The following NOS1AP variants were observed in gnomAD, a reference collection of about 807,000 sequenced individuals.
NOS1AP encodes carboxyl-terminal PDZ ligand of neuronal nitric oxide synthase protein.
In NOS1AP, 21 loss-of-function variants were observed where a neutral mutation model predicts 56.2. The observed-to-expected ratio is 0.37, with a 90% CI of 0.26 to 0.54. The LOEUF (loss-of-function observed/expected upper bound fraction) is 0.54, where lower values mean the gene tolerates loss of function less well. Ranked by LOEUF, NOS1AP falls within the 20% of genes least tolerant of loss-of-function variation. The probability of loss-of-function intolerance (pLI) is 0.84; values close to 1 mark genes in which losing one functional copy is unlikely to be tolerated. For synonymous variants in NOS1AP, 270 were observed against 274.6 expected, an observed-to-expected ratio of 0.98 and a Z score of 0.17; for missense variants, 522 against 657.8, an observed-to-expected ratio of 0.79 and a Z score of 2.26.
chr1:162,116,930 G>A (rs1381664492), intron 1 of NOS1AP, among the ~76,000 whole-genome samples: 8 of 152,150 alleles, frequency 5.3e-5, no homozygotes, highest in Non-Finnish European at 1.2e-4. Context: ...TTTTGGGGGG[G>A]CTGGAGGGTA....
intron 4 of NOS1AP, among the ~76,000 whole-genome samples, chr1:162,314,969 A>C (rs751138241): frequency 6.6e-5 from 10 of 152,252 alleles, no homozygotes; most frequent in Non-Finnish European, 1.2e-4. Flanking sequence ...ATGCTTAATA[A>C]ATTTTATTTA....
intron 2 of NOS1AP, among the ~76,000 whole-genome samples, chr1:162,228,218 AT>A (rs1399009267): frequency 6.6e-6 from 1 of 152,254 alleles, no homozygotes; most frequent in East Asian, 1.9e-4. Context: ...TACCATCATA[AT>A]TTTTTTCTTG....
At chr1:162,250,328 A>G (rs6677530) in intron 2 of NOS1AP, among the ~76,000 whole-genome samples, 21,123 of 152,194 alleles carry the variant, frequency 0.14, 1,669 homozygotes, top group South Asian at 0.21. Flanking sequence ...AAAAGTTTTG[A>G]AGTACCTCTT....
chr1:162,124,019 T>G (rs568935980), intron 1 of NOS1AP, among the ~76,000 whole-genome samples: 1 of 152,356 alleles, frequency 6.6e-6, no homozygotes, highest in East Asian at 1.9e-4. Context: ...AAATAATTTT[T>G]GTTCTTGTCC....
At chr1:162,220,792 A>G (rs1652742206) in intron 2 of NOS1AP, among the ~76,000 whole-genome samples, 1 of 152,124 alleles carries the variant, frequency 6.6e-6, no homozygotes, top group Admixed American at 6.5e-5. Flanking sequence ...TTGTTTTTGC[A>G]TACGCTCTTG....
intron 1 of NOS1AP, among the ~76,000 whole-genome samples, chr1:162,086,563 A>T (rs1379535515): frequency 6.6e-6 from 1 of 152,124 alleles, no homozygotes; most frequent in Non-Finnish European, 1.5e-5. Context: ...TCTTGAATGA[A>T]TGAATCAATG....
Position 162,363,817 on chromosome 1 carries a change from A to C in NOS1AP, c.940-1587A>C, listed in dbSNP as rs766204518. On this transcript the variant is annotated intron_variant, in intron 8 of 9. Transcript: ENST00000361897. ...GATCTTCTCTCAATTAATATGAGAC[A>C]AAAAAATGAGTCTGACTTCTTGACC... 1.5e-5 allele frequency: 15 copies of C among 985,244 alleles called. No homozygotes were observed. In the South Asian group the frequency reaches 6.1e-4, roughly 40 times the overall value. The allele number at this position is 985,244 out of a possible 1,614,324, so 61.0% of individuals were successfully genotyped here. A position where few individuals can be genotyped will look rare whatever the true frequency, so the allele number is the denominator to read the frequency against.
At chr1:162,311,704 G>T (rs1316156679) in intron 4 of NOS1AP, among the ~76,000 whole-genome samples, 1 of 147,856 alleles carries the variant, frequency 6.8e-6, no homozygotes, top group Non-Finnish European at 1.5e-5. Flanking sequence ...CTAGCATTAG[G>T]TATATCTCCC....
chr1:162,328,344 G>A (rs1656660497), intron 4 of NOS1AP, among the ~76,000 whole-genome samples: 1 of 152,160 alleles, frequency 6.6e-6, no homozygotes, highest in Admixed American at 6.5e-5. Flanking sequence ...CGTCCATCCT[G>A]CACATGTACC....
At chr1:162,201,947 A>C (rs755009252) in intron 2 of NOS1AP, among the ~76,000 whole-genome samples, 1 of 152,248 alleles carries the variant, frequency 6.6e-6, no homozygotes, top group Non-Finnish European at 1.5e-5. Flanking sequence ...ACATCTTAAA[A>C]GGGATAACAC....
intron 1 of NOS1AP, among the ~76,000 whole-genome samples, chr1:162,132,874 C>G (rs1451004446): frequency 6.6e-6 from 1 of 152,174 alleles, no homozygotes; most frequent in Non-Finnish European, 1.5e-5. Flanking sequence ...GAGCTCTCTT[C>G]TTGCTGAGAT....
chr1:162,258,389 G>A (rs1654101841), intron 2 of NOS1AP, among the ~76,000 whole-genome samples: 1 of 152,128 alleles, frequency 6.6e-6, no homozygotes, highest in Admixed American at 6.5e-5. Context: ...GTGATGGTTG[G>A]GGGAAGAATT....
rs1658141353 is a variant in NOS1AP, at chr1:162,367,573, C to A, written c.*106C>A. ...TGAATGTGCACTGCCGAGGAGAATG[C>A]CAGCCAGGGCCCGGGAGAGTGTGAG... On this transcript the variant is annotated 3_prime_UTR_variant, in exon 10 of 10. Coordinates refer to ENST00000361897, the MANE Select transcript of NOS1AP (RefSeq NM_014697.3). This position sits in a 1 kb window ranked among gnomAD's most constrained non-coding sequence, Gnocchi z 6.5. 1 of 1,231,834 alleles carries A rather than the reference C, an allele frequency of 8.1e-7. No individual in the cohort carries two copies. Among genetic ancestry groups the A allele is most frequent in the Admixed American group, 2.4e-5 (1 of 41,306 alleles). The allele number at this position is 1,231,834 out of a possible 1,614,324, so 76.3% of individuals were successfully genotyped here. A position where few individuals can be genotyped will look rare whatever the true frequency, so the allele number is the denominator to read the frequency against.
chr1:162,281,447 T>C (rs1283709995), intron 2 of NOS1AP, among the ~76,000 whole-genome samples: 1 of 152,188 alleles, frequency 6.6e-6, no homozygotes, highest in Non-Finnish European at 1.5e-5. Context: ...GTATGGCCTG[T>C]GGGATAAATA....
chr1:162,311,689 G>A (rs10919160), intron 4 of NOS1AP, among the ~76,000 whole-genome samples: 64,487 of 145,910 alleles, frequency 0.44, 14,591 homozygotes, highest in East Asian at 0.61. Flanking sequence ...CCACTAACTC[G>A]TCATCTAGCA....
chr1:162,135,061 C>T (rs1448159669), intron 1 of NOS1AP, among the ~76,000 whole-genome samples: 2 of 152,208 alleles, frequency 1.3e-5, no homozygotes, highest in Non-Finnish European at 2.9e-5. Flanking sequence ...AAATTATCTT[C>T]TCTGTGAGTA....
chr1:162,285,521 C>T (rs1273259527), intron 2 of NOS1AP, among the ~76,000 whole-genome samples: 2 of 152,192 alleles, frequency 1.3e-5, no homozygotes, highest in Admixed American at 1.3e-4. Flanking sequence ...CCAACTTTAA[C>T]CTTCGCTGGT....
intron 4 of NOS1AP, among the ~76,000 whole-genome samples, chr1:162,302,241 T>G (rs1042051179): frequency 2.6e-5 from 4 of 152,360 alleles, no homozygotes; most frequent in Middle Eastern, 6.8e-3. Flanking sequence ...CTACTCACTT[T>G]TGTATATCTA....
chr1:162,266,768 C>T (rs1414040478), intron 2 of NOS1AP, among the ~76,000 whole-genome samples: 1 of 152,184 alleles, frequency 6.6e-6, no homozygotes, highest in Non-Finnish European at 1.5e-5. Context: ...AAGAACCTAT[C>T]AAGTATTTAA....
Sources: gnomAD v4.1 joint callset for allele counts (sites outside exome capture counted in the v4.1 genomes callset) on GRCh38, gnomAD v4.1.1 for gene constraint, Gnocchi (gnomAD v3.1) non-coding constraint, MANE v1.5 for transcripts, NCBI Gene and HGNC (gene_info 2026-07-23, HGNC 2026-07-21) for gene names.